The following DHDDS variants were observed in gnomAD, a reference collection of about 807,000 sequenced individuals.
DHDDS encodes the protein dehydrodolichyl diphosphate synthase subunit, also known as dehydrodolichyl diphosphate synthase complex subunit DHDDS.
In DHDDS, 16 loss-of-function variants were observed where a neutral mutation model predicts 46.2. The ratio of observed to expected loss-of-function variants is 0.35; its 90% CI spans 0.23 to 0.53. DHDDS has a LOEUF of 0.53. DHDDS is among the 20% of genes least tolerant of loss of function. DHDDS has a pLI of 0.94. For synonymous variants in DHDDS, 151 were observed against 163.1 expected (o/e 0.93, Z 0.56); for missense variants, 340 against 423.7 (o/e 0.80, Z 1.73).
intron 5 of DHDDS, 98 bp downstream of exon 5, chr1:26,446,530 C>T: frequency 8.7e-7 from 1 of 1,149,880 alleles, no homozygotes; most frequent in East Asian, 2.4e-5. Flanking sequence ...TGGATTGGTG[C>T]AAGGGGCAAT....
Position 26,470,286 on chromosome 1 carries a change from T to C in DHDDS, c.*1155T>C, listed in dbSNP as rs925866523. ...CCAGCCAGCAACACCAACCAAATGCTACTCTCTTTAAAGTCCATTTTCCTT... is the reference window on the plus strand; with the variant it reads ...CCAGCCAGCAACACCAACCAAATGCCACTCTCTTTAAAGTCCATTTTCCTT... On this transcript the variant is annotated 3_prime_UTR_variant, in exon 9 of 9. Transcript: ENST00000236342. 6.6e-6 allele frequency: 1 copy of C among 151,290 alleles called. No individual in the cohort carries two copies. Among genetic ancestry groups the C allele is most frequent in the Non-Finnish European group, 1.5e-5 (1 of 68,034 alleles). The allele number at this position is 151,290 out of a possible 1,614,324, so 9.4% of individuals were successfully genotyped here.
At chr1:26,434,707 C>T (rs1030725767) in intron 2 of DHDDS, among the ~76,000 whole-genome samples, 2 of 152,096 alleles carry the variant, frequency 1.3e-5, no homozygotes, top group African/African-American at 4.8e-5. Flanking sequence ...GGCTAGAGTG[C>T]AGTGGTGCAG....
intron 7 of DHDDS, among the ~76,000 whole-genome samples, chr1:26,459,412 AAGTACACC>A (rs2124497866): frequency 6.6e-6 from 1 of 152,368 alleles, no homozygotes; most frequent in East Asian, 1.9e-4. Context: ...ATTATTATTA[AAGTACACC>A]TGGCTCTTTG....
chr1:26,455,267 A>G (rs1409914561), intron 6 of DHDDS: 15 of 595,316 alleles, frequency 2.5e-5, no homozygotes, highest in Non-Finnish European at 4.5e-5. Context: ...AATTATATGG[A>G]TTGTACAGAG....
intron 6 of DHDDS, among the ~76,000 whole-genome samples, chr1:26,453,414 G>C (rs2075340278): frequency 6.6e-6 from 1 of 152,122 alleles, no homozygotes; most frequent in Non-Finnish European, 1.5e-5. Context: ...CTCAGGATCT[G>C]AGTTTGAAAG....
intron 2 of DHDDS, among the ~76,000 whole-genome samples, chr1:26,436,380 G>A (rs2075155112): frequency 6.6e-6 from 1 of 150,752 alleles, no homozygotes; most frequent in South Asian, 2.1e-4. Flanking sequence ...CATCCACCTT[G>A]GGTAATAGAG....
intron 3 of DHDDS, among the ~76,000 whole-genome samples, chr1:26,439,952 A>G (rs2075201789): frequency 6.8e-6 from 1 of 147,368 alleles, no homozygotes; most frequent in Non-Finnish European, 1.5e-5. Flanking sequence ...CATCGTGGCT[A>G]ACACGGTGAA....
intron 3 of DHDDS, among the ~76,000 whole-genome samples, chr1:26,442,309 C>G (rs758714331): frequency 1.3e-5 from 2 of 152,086 alleles, no homozygotes; most frequent in Non-Finnish European, 2.9e-5. Context: ...AGTAATAACA[C>G]CTTGTGTTTT....
chr1:26,451,261 G>T (rs533209496), intron 6 of DHDDS, among the ~76,000 whole-genome samples: 20 of 152,204 alleles, frequency 1.3e-4, no homozygotes, highest in African/African-American at 4.8e-4. Flanking sequence ...TATATTATTC[G>T]AATTTAGACA....
chr1:26,435,846 C>A (rs1199048155), intron 2 of DHDDS, among the ~76,000 whole-genome samples: 9 of 152,092 alleles, frequency 5.9e-5, no homozygotes, highest in Admixed American at 5.2e-4. Flanking sequence ...AATTCCTGAC[C>A]TCGTGATCTG....
intron 3 of DHDDS, 60 bp from the exon 4 acceptor site, chr1:26,442,671 C>G (rs2075230013): frequency 6.2e-7 from 1 of 1,607,096 alleles, no homozygotes; most frequent in African/African-American, 1.3e-5. Flanking sequence ...CAAAAAGTAT[C>G]TCTTATTTCC....
intron 8 of DHDDS, among the ~76,000 whole-genome samples, chr1:26,468,120 G>A (rs768545696): frequency 7.9e-5 from 12 of 152,184 alleles, no homozygotes; most frequent in Non-Finnish European, 1.8e-4. Context: ...ACTTCCAAGG[G>A]CTTATTTTCT....
At chr1:26,432,858 G>C (rs957123671) in intron 1 of DHDDS, 33 bp from the exon 2 acceptor site, 4 of 1,450,940 alleles carry the variant, frequency 2.8e-6, no homozygotes, top group Non-Finnish European at 1.9e-6. Flanking sequence ...GCAAACCTTG[G>C]TGACTTCTTA....
At chr1:26,443,510 G>A (rs765788563) in intron 4 of DHDDS, among the ~76,000 whole-genome samples, 3 of 152,150 alleles carry the variant, frequency 2.0e-5, no homozygotes, top group African/African-American at 4.8e-5. Context: ...GCCAGAGAGG[G>A]GCAAAGACAA....
At chr1:26,435,708 G>A (rs2075148104) in intron 2 of DHDDS, among the ~76,000 whole-genome samples, 2 of 151,858 alleles carry the variant, frequency 1.3e-5, no homozygotes, top group Non-Finnish European at 2.9e-5. Flanking sequence ...TCTGCCTCCC[G>A]GGTTCAAGCA....
intron 8 of DHDDS, among the ~76,000 whole-genome samples, chr1:26,464,948 C>T (rs554107503): frequency 1.3e-5 from 2 of 152,272 alleles, no homozygotes; most frequent in East Asian, 3.9e-4. Context: ...GGGAGCCAGA[C>T]CTTGGTATCT....
intron 2 of DHDDS, among the ~76,000 whole-genome samples, chr1:26,434,155 T>C (rs1273894601): frequency 6.6e-6 from 1 of 152,198 alleles, no homozygotes; most frequent in Non-Finnish European, 1.5e-5. Flanking sequence ...TTAATTATTA[T>C]TAGGATTGTC....
chr1:26,467,196 T>C, intron 8 of DHDDS: 1 of 380,812 alleles, frequency 2.6e-6, no homozygotes, highest in Non-Finnish European at 5.6e-6. Flanking sequence ...ATCGTGGCAC[T>C]CTGTGTGCAT....
intron 8 of DHDDS, among the ~76,000 whole-genome samples, chr1:26,461,116 C>T (rs894223349): frequency 6.6e-6 from 1 of 152,144 alleles, no homozygotes; most frequent in Non-Finnish European, 1.5e-5. Context: ...TCAGGTGATC[C>T]GCCCACCTTG....
Sources: gnomAD v4.1 joint callset for allele counts (sites outside exome capture counted in the v4.1 genomes callset) on GRCh38, gnomAD v4.1.1 for gene constraint, MANE v1.5 for transcripts, NCBI Gene and HGNC (gene_info 2026-07-23, HGNC 2026-07-21) for gene names.